Variants in FAM117B observed in about 807,000 individuals in gnomAD.
The protein encoded by FAM117B is family with sequence similarity 117 member B, also known as protein FAM117B.
A neutral mutation model predicts 52.8 loss-of-function variants in FAM117B; 22 were observed. That is an observed-to-expected ratio of 0.42 (90% CI 0.30 to 0.59). The LOEUF (loss-of-function observed/expected upper bound fraction) is 0.59. Among genes scored for constraint, FAM117B ranks in the 20% least tolerant of loss-of-function variants. FAM117B has a pLI of 0.22. For missense variants in FAM117B, 678 were observed against 802.6 expected, an observed-to-expected ratio of 0.84 and a Z score of 1.88; for synonymous variants, 309 against 324.1, an observed-to-expected ratio of 0.95 and a Z score of 0.50.
intron 2 of FAM117B, among the ~76,000 whole-genome samples, chr2:202,714,752 T>C (rs1310083786): frequency 6.6e-6 from 1 of 152,124 alleles, no homozygotes; most frequent in Non-Finnish European, 1.5e-5. Flanking sequence ...GCATGCTGCC[T>C]TCAAGCATCT....
chr2:202,732,956 A>T (rs1465956366), intron 4 of FAM117B, among the ~76,000 whole-genome samples: 1 of 151,584 alleles, frequency 6.6e-6, no homozygotes. Context: ...ACCCATAGAG[A>T]TAGAGAATAG....
chr2:202,759,106 A>G (rs993838489), intron 6 of FAM117B, 127 bp from the exon 7 acceptor site: 1 of 956,122 alleles, frequency 1.0e-6, no homozygotes, highest in Admixed American at 2.8e-5. Flanking sequence ...AACAAACATT[A>G]ATTATCTCCT....
At chr2:202,752,222 A>T (rs374692662) in intron 4 of FAM117B, among the ~76,000 whole-genome samples, 6 of 152,266 alleles carry the variant, frequency 3.9e-5, no homozygotes, top group African/African-American at 9.6e-5. Context: ...GCACCATACC[A>T]GGTTTCCTGT....
chr2:202,712,990 A>G (rs1690981300), intron 2 of FAM117B, among the ~76,000 whole-genome samples: 1 of 152,102 alleles, frequency 6.6e-6, no homozygotes, highest in Non-Finnish European at 1.5e-5. Flanking sequence ...ATATTGGCCT[A>G]TAGTTTTCTT....
rs1390723489 is a variant in FAM117B, at chr2:202,695,993, T to C, written c.714T>C (p.His238=). The change falls in exon 2 of 8, where the codon CAT becomes CAC. Residue 238 remains histidine, a synonymous_variant. Transcript: ENST00000392238. ...CTGGACACTGGCCTCGGGATAGCCA[T>C]GGGCAAGCTGCACCTTGCATGAGGG... The part of the protein sequence containing the change: ...YLAGHWPRDS[H]GQAAPCMRDK... The C allele has an allele frequency of 6.2e-7, 1 of 1,614,182 alleles. No individual in the cohort carries two copies.
chr2:202,739,240 T>A (rs1175824833), intron 4 of FAM117B, among the ~76,000 whole-genome samples: 1 of 152,206 alleles, frequency 6.6e-6, no homozygotes, highest in African/African-American at 2.4e-5. Flanking sequence ...TCTTTGTCCC[T>A]AACTTTGAAT....
chr2:202,735,100 A>C (rs1358385809), intron 4 of FAM117B, among the ~76,000 whole-genome samples: 1 of 152,176 alleles, frequency 6.6e-6, no homozygotes, highest in East Asian at 1.9e-4. Flanking sequence ...CATTGTGAGT[A>C]TTACAAATGC....
At chr2:202,640,136 T>G (rs966467025) in intron 1 of FAM117B, among the ~76,000 whole-genome samples, 2 of 150,968 alleles carry the variant, frequency 1.3e-5, no homozygotes, top group Non-Finnish European at 3.0e-5. Flanking sequence ...ACAGGTGTGG[T>G]GGCAGGCGCC....
intron 1 of FAM117B, among the ~76,000 whole-genome samples, chr2:202,662,148 A>G (rs1005663729): frequency 4.6e-4 from 69 of 150,976 alleles, no homozygotes; most frequent in African/African-American, 1.4e-3. Flanking sequence ...GTATGTGTGT[A>G]TGTGTGTGTG....
chr2:202,757,122 T>C, intron 5 of FAM117B, 91 bp from the exon 6 acceptor site: 1 of 1,260,990 alleles, frequency 7.9e-7, no homozygotes, highest in Non-Finnish European at 1.1e-6. Context: ...TGTGAGTCTC[T>C]GGCACTATAT....
At chr2:202,693,715 T>A (rs1296169941) in intron 1 of FAM117B, among the ~76,000 whole-genome samples, 7 of 152,224 alleles carry the variant, frequency 4.6e-5, no homozygotes, top group Non-Finnish European at 2.9e-5. Context: ...TTATCATGAA[T>A]GAGTCTTTAG....
At chr2:202,652,258 C>T (rs1254773484) in intron 1 of FAM117B, among the ~76,000 whole-genome samples, 2 of 152,026 alleles carry the variant, frequency 1.3e-5, no homozygotes, top group African/African-American at 2.4e-5. Flanking sequence ...GCCACCTTGC[C>T]AGGCTAATTT....
Position 202,765,946 on chromosome 2 carries a change from A to G in FAM117B, c.*182A>G, listed in dbSNP as rs1691970894. ...GGCTCTGCCCCACTTGTGAACGCCA[A>G]CCCTCAGTGCTTAGCCTGCTTTTTA... On this transcript the variant is annotated 3_prime_UTR_variant, in exon 8 of 8. Coordinates refer to ENST00000392238, the MANE Select transcript of FAM117B (RefSeq NM_173511.4). 3.2e-6 allele frequency: 2 copies of G among 619,840 alleles called. No homozygotes were observed. The highest frequency in any genetic ancestry group is 3.0e-5 in the Admixed American group (1 of 33,360). 38.4% of individuals were successfully genotyped at this position (619,840 alleles called of 1,614,324 possible).
At chr2:202,732,977 G>A (rs1441837321) in intron 4 of FAM117B, among the ~76,000 whole-genome samples, 5 of 152,002 alleles carry the variant, frequency 3.3e-5, no homozygotes, top group Admixed American at 6.5e-5. Flanking sequence ...ACTGGTATCG[G>A]GGGAACCGCC....
rs1205533810 is a variant in FAM117B at position 202,672,231 on chromosome 2, GAGA to G, written c.602-23647_602-23645del. Among the ~76,000 whole-genome samples, 6 of 152,002 alleles carry G rather than the reference GAGA, an allele frequency of 3.9e-5. No homozygotes were observed. The South Asian group carries it at 6.2e-4, about 16-fold the overall frequency. On this transcript the variant is annotated intron_variant, in intron 1 of 7. Coordinates refer to ENST00000392238, the MANE Select transcript of FAM117B (RefSeq NM_173511.4). ...CCTGCCTCCCCCTCCTTTTTGTTTT[GAGA>G]AGGAGTCTTGCTCTGTCGCCCAGGC...
chr2:202,654,446 C>G (rs1023332226), intron 1 of FAM117B, among the ~76,000 whole-genome samples: 1 of 152,036 alleles, frequency 6.6e-6, no homozygotes, highest in African/African-American at 2.4e-5. Flanking sequence ...GTACTGATAG[C>G]CCACTATTGA....
At chr2:202,762,395 A>G (rs1489952443) in intron 7 of FAM117B, among the ~76,000 whole-genome samples, 1 of 152,154 alleles carries the variant, frequency 6.6e-6, no homozygotes, top group Non-Finnish European at 1.5e-5. Context: ...TACCATAGCC[A>G]TGTCATCTGC....
intron 1 of FAM117B, among the ~76,000 whole-genome samples, chr2:202,665,610 GT>G (rs767574565): frequency 5.3e-4 from 81 of 151,724 alleles, no homozygotes; most frequent in Non-Finnish European, 9.0e-4. Context: ...TCTTTTTGTT[GT>G]TGTTGTTGAG....
At chr2:202,636,991 C>T (rs2105749473) in intron 1 of FAM117B, among the ~76,000 whole-genome samples, 1 of 152,174 alleles carries the variant, frequency 6.6e-6, no homozygotes, top group South Asian at 2.1e-4. Context: ...CCTCCAACTC[C>T]CGGGTTCAAA....
Sources: allele counts gnomAD v4.1 joint callset (sites outside exome capture counted in the v4.1 genomes callset), GRCh38; gene constraint gnomAD v4.1.1; transcripts MANE v1.5; gene names NCBI Gene and HGNC (gene_info 2026-07-23, HGNC 2026-07-21).